Variants in ARPC2 observed in about 807,000 individuals in gnomAD.
The protein encoded by ARPC2 is actin-related protein 2/3 complex subunit 2.
A neutral mutation model predicts 38.6 loss-of-function variants in ARPC2; 4 were observed. That is an observed-to-expected ratio of 0.10 (90% confidence interval 0.05 to 0.24). ARPC2 has a LOEUF of 0.24. Ranked by LOEUF, ARPC2 falls within the 10% of genes least tolerant of loss-of-function variation. The probability of loss-of-function intolerance (pLI) is 1.00; values close to 1 mark genes in which losing one functional copy is unlikely to be tolerated. For missense variants in ARPC2, 229 were observed against 387.3 expected (o/e 0.59, Z 3.43); for synonymous variants, 125 against 140.8 (o/e 0.89, Z 0.79).
chr2:218,230,921 A>C (rs891548335), intron 4 of ARPC2, among the ~76,000 whole-genome samples: 1 of 152,176 alleles, frequency 6.6e-6, no homozygotes, highest in Admixed American at 6.5e-5. Context: ...GATTTCTTAA[A>C]TCTCCTTTCC....
intron 5 of ARPC2, chr2:218,235,188 T>G: frequency 3.8e-6 from 1 of 261,046 alleles, no homozygotes; most frequent in Non-Finnish European, 7.6e-6. Flanking sequence ...CCTCACCTAT[T>G]TTTTCAGACA....
intron 6 of ARPC2, 95 bp downstream of exon 6, chr2:218,238,945 T>C: frequency 9.7e-7 from 1 of 1,033,828 alleles, no homozygotes; most frequent in Non-Finnish European, 1.4e-6. Context: ...CTTTCAGCTG[T>C]ATTGCGTGAA....
intron 3 of ARPC2, among the ~76,000 whole-genome samples, chr2:218,227,267 AAGAT>A (rs1689521776): frequency 6.6e-6 from 1 of 152,076 alleles, no homozygotes; most frequent in African/African-American, 2.4e-5. Context: ...GTACTGCAGA[AAGAT>A]AGAACCGAAA....
At chr2:218,253,788 C>T in intron 10 of ARPC2, 103 bp from the exon 11 acceptor site, 12 of 1,376,462 alleles carry the variant, frequency 8.7e-6, no homozygotes, top group Admixed American at 4.8e-5. Flanking sequence ...CCCTTTCCAC[C>T]TCTCATTTGG....
chr2:218,218,667 C>T (rs571210027), intron 2 of ARPC2, among the ~76,000 whole-genome samples: 1 of 152,318 alleles, frequency 6.6e-6, no homozygotes, highest in South Asian at 2.1e-4. Flanking sequence ...CTTGCAGATC[C>T]ACAGATGGGA....
Position 218,217,259 on chromosome 2 carries a change from G to GC in ARPC2, c.-9+5_-9+6insC. On this transcript the variant is annotated splice_donor_region_variant and intron_variant, in intron 1 of 10. Coordinates refer to ENST00000315717, the MANE Select transcript of ARPC2 (RefSeq NM_152862.3). The stretch of plus-strand genomic sequence containing the variant: ...GGTTCAGGCTTCGGGGGCCAGGTCG[G>GC]TTGGGTGGGTGGGTGTCTCCACAGT... 1 of 540,654 alleles carries GC rather than the reference G, an allele frequency of 1.8e-6. No homozygotes were observed. The highest frequency in any genetic ancestry group is 3.3e-6 in the Non-Finnish European group (1 of 305,960). The allele number at this position is 540,654 out of a possible 1,614,324, so 33.5% of individuals were successfully genotyped here. A position where few individuals can be genotyped will look rare whatever the true frequency, so the allele number is the denominator to read the frequency against.
At chr2:218,230,318 G>T (rs144503786) in intron 4 of ARPC2, among the ~76,000 whole-genome samples, 1,116 of 85,120 alleles carry the variant, frequency 0.013, 22 homozygotes, top group African/African-American at 0.05. Context: ...TTTTGACAAG[G>T]TCTTGTTCTG....
chr2:218,220,164 T>C (rs1559474087), intron 2 of ARPC2, among the ~76,000 whole-genome samples: 2 of 151,514 alleles, frequency 1.3e-5, no homozygotes, highest in South Asian at 2.1e-4. Context: ...TTAAAGGGAG[T>C]AGTTTGGAGG....
chr2:218,236,265 T>C (rs1028467070), intron 5 of ARPC2: 1 of 152,166 alleles, frequency 6.6e-6, no homozygotes, highest in African/African-American at 2.4e-5. Flanking sequence ...TTAGCTATAG[T>C]TTTATTTGCT....
At chr2:218,234,150 A>T (rs1356983172) in intron 4 of ARPC2, 1 of 486,856 alleles carries the variant, frequency 2.1e-6, no homozygotes, top group Admixed American at 3.9e-5. Flanking sequence ...TCCCAGGCAT[A>T]AAAAGATACT....
chr2:218,250,676 A>AC (rs1279810823), intron 10 of ARPC2, among the ~76,000 whole-genome samples: 3 of 151,412 alleles, frequency 2.0e-5, no homozygotes, highest in Non-Finnish European at 3.0e-5. Flanking sequence ...AAAAAAAAAA[A>AC]AAAATTTGAG....
chr2:218,239,208 C>T lies in ARPC2; in HGVS notation c.456-183C>T, dbSNP rs961974963. The T allele has an allele frequency of 1.8e-5, 11 of 600,840 alleles. No homozygotes were observed. The African/African-American group carries it at 1.9e-4, about 10-fold the overall frequency. 37.2% of individuals were successfully genotyped at this position (600,840 alleles called of 1,614,324 possible). A position where few individuals can be genotyped will look rare whatever the true frequency, so the allele number is the denominator to read the frequency against. On this transcript the variant is annotated intron_variant, in intron 6 of 10. Coordinates refer to ENST00000315717, the MANE Select transcript of ARPC2 (RefSeq NM_152862.3). Reference sequence around the variant, plus strand: ...TTCTGATAATTTCCATCTGCTGCCTCTCTTAGGGCATTCATTTTGTGCACT... The same window carrying T: ...TTCTGATAATTTCCATCTGCTGCCTTTCTTAGGGCATTCATTTTGTGCACT...
chr2:218,239,488 T>G lies in ARPC2; in HGVS notation c.549+4T>G. On this transcript the variant is annotated splice_donor_region_variant and intron_variant, in intron 7 of 10. Coordinates refer to ENST00000315717, the MANE Select transcript of ARPC2 (RefSeq NM_152862.3). Reference sequence around the variant, plus strand: ...CATTGGAAAGGTGTTCATGCAGGTATGGAGCAGACATCTTGGGGGAAACCC... The same window carrying G: ...CATTGGAAAGGTGTTCATGCAGGTAGGGAGCAGACATCTTGGGGGAAACCC... The G allele has an allele frequency of 6.2e-7, 1 of 1,611,558 alleles. No homozygotes were observed. Among genetic ancestry groups the G allele is most frequent in the Non-Finnish European group, 8.5e-7 (1 of 1,177,618 alleles).
intron 10 of ARPC2, chr2:218,252,860 G>A: frequency 2.2e-6 from 1 of 456,026 alleles, no homozygotes; most frequent in Non-Finnish European, 4.4e-6. Context: ...CCCAGGAAGG[G>A]ATGAATCCTT....
chr2:218,232,056 A>C (rs1689646257), intron 4 of ARPC2, among the ~76,000 whole-genome samples: 2 of 152,174 alleles, frequency 1.3e-5, no homozygotes, highest in African/African-American at 4.8e-5. Context: ...CCTGGGCAAC[A>C]TGGTGAAACC....
At chr2:218,239,588 T>G in intron 7 of ARPC2, 104 bp downstream of exon 7, 1 of 918,304 alleles carries the variant, frequency 1.1e-6, no homozygotes, top group Non-Finnish European at 1.6e-6. Flanking sequence ...TCTACTGATG[T>G]TAGAATTTTT....
chr2:218,217,417 C>G (rs376162906), intron 1 of ARPC2, 46 bp from the exon 2 acceptor site: 2 of 1,595,722 alleles, frequency 1.3e-6, no homozygotes, highest in African/African-American at 2.7e-5. Flanking sequence ...CCTTGCCTCC[C>G]TTACCCACCC....
chr2:218,252,476 C>A (rs2106162038), intron 10 of ARPC2, among the ~76,000 whole-genome samples: 1 of 151,444 alleles, frequency 6.6e-6, no homozygotes, highest in South Asian at 2.1e-4. Flanking sequence ...TCCCTGCTTG[C>A]TCTACACAGG....
At position 218,245,461 on chromosome 2, in the gene ARPC2, G is replaced by C; in HGVS notation, c.591G>C (p.Gln197His). 1 of 1,614,142 alleles carries C rather than the reference G, an allele frequency of 6.2e-7. No individual in the cohort carries two copies. The highest frequency in any genetic ancestry group is 8.5e-7 in the Non-Finnish European group (1 of 1,180,016). Residue 197 changes from glutamine to histidine, a missense_variant, in exon 8 of 11, where the codon CAG becomes CAC. Gln to His is a conservative substitution (Grantham distance 24, BLOSUM62 0). Coordinates refer to ENST00000315717, the MANE Select transcript of ARPC2 (RefSeq NM_152862.3). Reference sequence around the variant, plus strand: ...GCAGAGCCAGCCACACAGCCCCACAGGTCCTCTTTAGCCACAGGGAACCTC... The same window carrying C: ...GCAGAGCCAGCCACACAGCCCCACACGTCCTCTTTAGCCACAGGGAACCTC... ...EGRRASHTAP[Q>H]VLFSHREPPL...
Sources: allele counts gnomAD v4.1 joint callset (sites outside exome capture counted in the v4.1 genomes callset), GRCh38; gene constraint gnomAD v4.1.1; transcripts MANE v1.5; gene names NCBI Gene and HGNC (gene_info 2026-07-23, HGNC 2026-07-21).